The following CNTNAP5 variants were observed in gnomAD, a reference collection of about 807,000 sequenced individuals.
CNTNAP5 encodes contactin-associated protein-like 5.
Under a neutral mutation model 150.2 loss-of-function variants are expected in CNTNAP5, and 72 were observed. The ratio of observed to expected loss-of-function variants is 0.48; its 90% CI spans 0.40 to 0.58. The LOEUF (loss-of-function observed/expected upper bound fraction) is 0.58. CNTNAP5 is among the 20% of genes least tolerant of loss of function. The pLI, the probability that CNTNAP5 is intolerant of heterozygous loss-of-function variation, is 0.00. For synonymous variants in CNTNAP5, 672 were observed against 619.8 expected (o/e 1.08, Z -1.25); for missense variants, 1,636 against 1,626.2 (o/e 1.01, Z -0.10).
chr2:124,670,133 T>TTTCCTTCC (rs796656346), intron 13 of CNTNAP5, among the ~76,000 whole-genome samples: 19,993 of 112,376 alleles, frequency 0.18, 2,530 homozygotes, highest in East Asian at 0.41. Context: ...TCCTTCCTTC[T>TTTCCTTCC]TTCCTTCCTT....
intron 1 of CNTNAP5, among the ~76,000 whole-genome samples, chr2:124,128,005 G>A (rs552028037): frequency 6.6e-6 from 1 of 152,162 alleles, no homozygotes; most frequent in Non-Finnish European, 1.5e-5. Flanking sequence ...CTTGGGCAAG[G>A]TCTTCATGAC....
At position 124,496,602 on chromosome 2, in the gene CNTNAP5, G is replaced by A. The variant is rs111297103; in HGVS notation, c.1063-7690G>A. ...CAGCACAGTAATGTAACCCTTGGAA[G>A]CGTCACACATAAGAAACTTGAAAAA... On this transcript the variant is annotated intron_variant, in intron 7 of 23. Transcript: ENST00000682447. 2.9e-3 allele frequency among the ~76,000 whole-genome samples: 435 copies of A among 152,306 alleles called. 2 individuals are homozygous for A. The highest frequency in any genetic ancestry group is 0.01 in the African/African-American group (417 of 41,580).
At chr2:124,252,435 T>C (rs1268863876) in intron 3 of CNTNAP5, among the ~76,000 whole-genome samples, 1 of 152,196 alleles carries the variant, frequency 6.6e-6, no homozygotes, top group Non-Finnish European at 1.5e-5. Context: ...CCTTGATTCA[T>C]GGGTGATGAC....
At chr2:124,375,317 A>G (rs1442700229) in intron 3 of CNTNAP5, among the ~76,000 whole-genome samples, 1 of 152,174 alleles carries the variant, frequency 6.6e-6, no homozygotes, top group Non-Finnish European at 1.5e-5. Context: ...AACTGGTAAG[A>G]TTAACATCAC....
intron 1 of CNTNAP5, among the ~76,000 whole-genome samples, chr2:124,050,860 CA>C (rs1681677495): frequency 6.6e-6 from 1 of 152,198 alleles, no homozygotes; most frequent in Non-Finnish European, 1.5e-5. Flanking sequence ...AGTCCTGAAA[CA>C]AAATTTATAG....
chr2:124,431,151 T>A (rs144109565), intron 4 of CNTNAP5, among the ~76,000 whole-genome samples: 1 of 152,152 alleles, frequency 6.6e-6, no homozygotes, highest in African/African-American at 2.4e-5. Context: ...CTAGGTCTCA[T>A]GACAACGTGG....
chr2:124,446,055 A>G (rs1692807280), intron 5 of CNTNAP5, among the ~76,000 whole-genome samples: 1 of 152,088 alleles, frequency 6.6e-6, no homozygotes, highest in Non-Finnish European at 1.5e-5. Flanking sequence ...ACAGAGGCTA[A>G]ATCCTCAACA....
chr2:124,084,241 T>G (rs896465775), intron 1 of CNTNAP5, among the ~76,000 whole-genome samples: 1 of 152,096 alleles, frequency 6.6e-6, no homozygotes, highest in African/African-American at 2.4e-5. Flanking sequence ...TTTGATCTCA[T>G]TTATTAATTC....
chr2:124,811,658 C>T (rs553153790), intron 19 of CNTNAP5, among the ~76,000 whole-genome samples: 2 of 146,190 alleles, frequency 1.4e-5, no homozygotes, highest in African/African-American at 2.6e-5. Flanking sequence ...AAATTGAAAA[C>T]AGGTCAGGCG....
intron 18 of CNTNAP5, among the ~76,000 whole-genome samples, chr2:124,796,530 A>G (rs965388985): frequency 6.6e-6 from 1 of 152,240 alleles, no homozygotes; most frequent in African/African-American, 2.4e-5. Context: ...GATAAATGCA[A>G]AACACTTTCT....
chr2:124,246,003 A>C (rs1191031852), intron 3 of CNTNAP5, among the ~76,000 whole-genome samples: 2 of 151,966 alleles, frequency 1.3e-5, no homozygotes, highest in African/African-American at 4.8e-5. Context: ...CCATGACCTC[A>C]GGTTTACAGG....
rs33978614 is a variant in CNTNAP5, at chr2:124,585,669, C to CTTTTT, written c.1756+22366_1756+22370dup. Among the ~76,000 whole-genome samples the CTTTTT allele has an allele frequency of 7.5e-4, 50 of 66,388 alleles. 2 individuals carry two copies. The highest frequency in any genetic ancestry group is 2.3e-3 in the South Asian group (3 of 1,328). 43.6% of individuals were successfully genotyped at this position (66,388 alleles called of 152,430 possible). A position where few individuals can be genotyped will look rare whatever the true frequency, so the allele number is the denominator to read the frequency against. On this transcript the variant is annotated intron_variant, in intron 11 of 23. Transcript: ENST00000682447. Reference sequence around the variant, plus strand: ...ACAGTGAGTCAGGGAGAGCTTGAAGCTTTTTTTTTTTTTTTTTTTTTTTTG... The same window carrying CTTTTT: ...ACAGTGAGTCAGGGAGAGCTTGAAGCTTTTTTTTTTTTTTTTTTTTTTTTTTTTTG...
At position 124,842,859 on chromosome 2, in the gene CNTNAP5, T is replaced by A. The variant is rs192446655; in HGVS notation, c.3218-22447T>A. Reference sequence around the variant, plus strand: ...TGCTCAGTGCAGTGCAGTTACTGCCTCATGAGAAATTCTCAAAAAGCTGAG... The same window carrying A: ...TGCTCAGTGCAGTGCAGTTACTGCCACATGAGAAATTCTCAAAAAGCTGAG... On this transcript the variant is annotated intron_variant, in intron 19 of 23. Transcript: ENST00000682447. Among the ~76,000 whole-genome samples the A allele has an allele frequency of 1.8e-3, 275 of 152,236 alleles. 1 individual carries two copies. In the Middle Eastern group the frequency reaches 0.02, roughly 11 times the overall value.
chr2:124,700,076 TG>T (rs1323066187), intron 13 of CNTNAP5, among the ~76,000 whole-genome samples: 2 of 152,196 alleles, frequency 1.3e-5, no homozygotes, highest in Non-Finnish European at 2.9e-5. Context: ...TTTATGGATT[TG>T]CCTATTCTGG....
At chr2:124,064,668 TG>T (rs1490754556) in intron 1 of CNTNAP5, among the ~76,000 whole-genome samples, 3 of 152,186 alleles carry the variant, frequency 2.0e-5, no homozygotes, top group Non-Finnish European at 2.9e-5. Context: ...AAATGTCTTA[TG>T]ACTGTATCAA....
rs886641805 is a variant in CNTNAP5, at chr2:124,651,546, T to C, written c.2077+3588T>C. ...AAACAGAAACTCAGAGAGAATAAGA[T>C]GCTTGTTTAATGCCACACAGAAAGG... On this transcript the variant is annotated intron_variant, in intron 13 of 23. Coordinates refer to ENST00000682447, the MANE Select transcript of CNTNAP5 (RefSeq NM_001367498.1). 3.9e-5 allele frequency among the ~76,000 whole-genome samples: 6 copies of C among 152,184 alleles called. No individual in the cohort carries two copies. In the South Asian group the frequency reaches 1.2e-3, roughly 31 times the overall value.
At chr2:124,868,325 G>C (rs528131389) in intron 20 of CNTNAP5, among the ~76,000 whole-genome samples, 15 of 152,222 alleles carry the variant, frequency 9.9e-5, no homozygotes, top group Admixed American at 8.5e-4. Context: ...ATTTCTGGTT[G>C]CTTCTCTAAC....
intron 22 of CNTNAP5, among the ~76,000 whole-genome samples, 156 bp from the exon 23 acceptor site, chr2:124,911,311 G>A (rs1054035926): frequency 6.6e-6 from 1 of 151,990 alleles, no homozygotes; most frequent in African/African-American, 2.4e-5. Context: ...TTCTGCTTGT[G>A]CATGTTTTTT....
At chr2:124,500,611 C>G (rs904524783) in intron 7 of CNTNAP5, among the ~76,000 whole-genome samples, 6 of 152,122 alleles carry the variant, frequency 3.9e-5, no homozygotes, top group South Asian at 4.1e-4. Flanking sequence ...GGGACATGGA[C>G]AGAGCCCAAC....
Sources: gnomAD v4.1 joint callset for allele counts (sites outside exome capture counted in the v4.1 genomes callset) on GRCh38, gnomAD v4.1.1 for gene constraint, MANE v1.5 for transcripts, NCBI Gene and HGNC (gene_info 2026-07-23, HGNC 2026-07-21) for gene names.